The following POLR2C variants were observed in gnomAD, a reference collection of about 807,000 sequenced individuals.
POLR2C encodes the protein RNA polymerase II subunit C.
A neutral mutation model predicts 41.7 loss-of-function variants in POLR2C; 36 were observed. The ratio of observed to expected loss-of-function variants is 0.86; its 90% confidence interval spans 0.66 to 1.14. The LOEUF is 1.14. Ranked by LOEUF, POLR2C falls within the 50% of genes most tolerant of loss-of-function variation. POLR2C has a pLI of 0.00. For missense variants in POLR2C, 260 were observed against 350.4 expected, an observed-to-expected ratio of 0.74 and a Z score of 2.06; for synonymous variants, 133 against 137.8, an observed-to-expected ratio of 0.96 and a Z score of 0.25.
intron 2 of POLR2C, 163 bp from the exon 3 acceptor site, chr16:57,465,790 T>C (rs2030691762): frequency 1.6e-6 from 1 of 621,722 alleles, no homozygotes; most frequent in Non-Finnish European, 2.9e-6. Context: ...TGTGTGTGGG[T>C]CTTATTAAAA....
At position 57,469,555 on chromosome 16, in the gene POLR2C, TG is replaced by T. The variant is rs2030779598; in HGVS notation, c.388-150del. 2.6e-6 allele frequency: 2 copies of T among 760,398 alleles called. No homozygotes were observed. Among genetic ancestry groups the T allele is most frequent in the Admixed American group, 2.0e-5 (1 of 49,310 alleles). 47.1% of individuals were successfully genotyped at this position (760,398 alleles called of 1,614,324 possible). On this transcript the variant is annotated intron_variant, in intron 5 of 8. Coordinates refer to ENST00000219252, the MANE Select transcript of POLR2C (RefSeq NM_032940.3). This position sits in a 1 kb window ranked among gnomAD's most constrained non-coding sequence, Gnocchi z 5.8. The stretch of plus-strand genomic sequence containing the variant: ...CTGAGGCTACCACCACACCCTGAAG[TG>T]GGGGTTGGAGTCCTGGGGGCATCTG...
chr16:57,465,449 A>G (rs73561593), intron 2 of POLR2C, among the ~76,000 whole-genome samples: 2,173 of 152,336 alleles, frequency 0.014, 50 homozygotes, highest in African/African-American at 0.05. Flanking sequence ...TATTTAGTAT[A>G]CTTTGCGCAT....
chr16:57,463,107 GC>G, intron 2 of POLR2C, 29 bp downstream of exon 2: 1 of 1,580,730 alleles, frequency 6.3e-7, no homozygotes, highest in Non-Finnish European at 8.7e-7. Context: ...TCGTTCCCGC[GC>G]CCACGGGTTC....
intron 8 of POLR2C, 150 bp from the exon 9 acceptor site, chr16:57,470,825 G>C: frequency 4.3e-6 from 3 of 696,842 alleles, no homozygotes; most frequent in Non-Finnish European, 7.4e-6. Flanking sequence ...TATGTAAGAG[G>C]TTTTACATGA....
In POLR2C at chr16:57,466,185, C is replaced by A. The variant is rs757750240; in HGVS notation, c.216C>A (p.Pro72=). The change falls in exon 4 of 9, where the codon CCC becomes CCA. Residue 72 remains proline (P), a synonymous_variant. Transcript: ENST00000219252. ...EFIAHRLGLI[P]LISDDIVDKL... ...TTCTGTTTTTTACAGGATTAATTCCCCTCATTAGTGATGACATTGTGGACA... is the reference window on the plus strand; with the variant it reads ...TTCTGTTTTTTACAGGATTAATTCCACTCATTAGTGATGACATTGTGGACA... The A allele has an allele frequency of 6.2e-7, 1 of 1,601,554 alleles. No individual in the cohort carries two copies. The highest frequency in any genetic ancestry group is 8.5e-7 in the Non-Finnish European group (1 of 1,173,088).
At chr16:57,465,291 G>A (rs2030678623) in intron 2 of POLR2C, among the ~76,000 whole-genome samples, 1 of 152,126 alleles carries the variant, frequency 6.6e-6, no homozygotes, top group African/African-American at 2.4e-5. Flanking sequence ...TTTGGCAGTT[G>A]GGCTCCAGTG....
chr16:57,463,450 T>A, intron 2 of POLR2C: 1 of 389,144 alleles, frequency 2.6e-6, no homozygotes, highest in Non-Finnish European at 4.9e-6. Flanking sequence ...GTATAGTGCG[T>A]GATGCTGAGA....
In POLR2C at chr16:57,471,370, G is replaced by C. The variant is rs903364675; in HGVS notation, c.*251G>C. The C allele has an allele frequency of 3.0e-5, 14 of 471,694 alleles. No individual in the cohort carries two copies. Among genetic ancestry groups the C allele is most frequent in the African/African-American group, 2.1e-4 (11 of 51,380 alleles). The allele number at this position is 471,694 out of a possible 1,614,324, so 29.2% of individuals were successfully genotyped here. On this transcript the variant is annotated 3_prime_UTR_variant, in exon 9 of 9. Transcript: ENST00000219252. ...CAGCAGTGCTCCCCAGATCCCAGAA[G>C]GTCCCTGCTGGAGTGTTTCCAGTGC... is the stretch of plus-strand genomic sequence containing the variant.
chr16:57,469,552 A>C lies in POLR2C; in HGVS notation c.388-158A>C, dbSNP rs1388865926. 7.9e-6 allele frequency: 6 copies of C among 757,694 alleles called. No individual in the cohort carries two copies. The highest frequency in any genetic ancestry group is 2.3e-4 in the Middle Eastern group (1 of 4,412). 46.9% of individuals were successfully genotyped at this position (757,694 alleles called of 1,614,324 possible). A position where few individuals can be genotyped will look rare whatever the true frequency, so the allele number is the denominator to read the frequency against. ...TGCCTGAGGCTACCACCACACCCTG[A>C]AGTGGGGGTTGGAGTCCTGGGGGCA... On this transcript the variant is annotated intron_variant, in intron 5 of 8. Transcript: ENST00000219252. The surrounding 1 kb of genome is among the most constrained non-coding windows in gnomAD (Gnocchi z 5.8).
Position 57,469,090 on chromosome 16 carries a change from G to C in POLR2C, c.259-75G>C. On this transcript the variant is annotated intron_variant, in intron 4 of 8. Coordinates refer to ENST00000219252, the MANE Select transcript of POLR2C (RefSeq NM_032940.3). This position sits in a 1 kb window ranked among gnomAD's most constrained non-coding sequence, Gnocchi z 5.8. ...CTTAAGGAACTGGGCATTAGATGCA[G>C]GAAGCCAAGACAAGGAGCCAAGGCA... 1 of 1,495,660 alleles carries C rather than the reference G, an allele frequency of 6.7e-7. No individual in the cohort carries two copies. Among genetic ancestry groups the C allele is most frequent in the Non-Finnish European group, 9.2e-7 (1 of 1,086,042 alleles). The allele number at this position is 1,495,660 out of a possible 1,614,324, so 92.6% of individuals were successfully genotyped here.
chr16:57,470,765 G>A (rs2030814969), intron 8 of POLR2C, among the ~76,000 whole-genome samples: 1 of 152,210 alleles, frequency 6.6e-6, no homozygotes, highest in Non-Finnish European at 1.5e-5. Context: ...GGTACCTTAT[G>A]AGGTAGTTGT....
intron 2 of POLR2C, chr16:57,463,900 A>C (rs2030640968): frequency 7.2e-6 from 2 of 276,010 alleles, no homozygotes; most frequent in Admixed American, 1.1e-4. Context: ...AGATCATGCC[A>C]CTGCACTCTG....
intron 2 of POLR2C, among the ~76,000 whole-genome samples, chr16:57,464,564 T>TC (rs1239112630): frequency 1.3e-5 from 2 of 152,178 alleles, no homozygotes; most frequent in African/African-American, 4.8e-5. Context: ...TAAATATAAG[T>TC]CATAGCTGTG....
rs1320361189 is a variant in POLR2C, at chr16:57,469,614, T to G, written c.388-96T>G. ...ACCTCGTCAGGTGTTCGTTCCCTGG[T>G]TGACAGATTGCAGTCTAGAGGTGCT... is the stretch of plus-strand genomic sequence containing the variant. On this transcript the variant is annotated intron_variant, in intron 5 of 8. Coordinates refer to ENST00000219252, the MANE Select transcript of POLR2C (RefSeq NM_032940.3). The surrounding 1 kb of genome is among the most constrained non-coding windows in gnomAD (Gnocchi z 5.8). The G allele has an allele frequency of 1.1e-5, 12 of 1,065,260 alleles. No homozygotes were observed. The highest frequency in any genetic ancestry group is 1.8e-5 in the Non-Finnish European group (12 of 685,188). 66.0% of individuals were successfully genotyped at this position (1,065,260 alleles called of 1,614,324 possible).
intron 8 of POLR2C, 52 bp downstream of exon 8, chr16:57,470,406 TTGGTTC>T: frequency 7.1e-7 from 1 of 1,416,126 alleles, no homozygotes; most frequent in Admixed American, 2.0e-5. Flanking sequence ...AGGGATGGTT[TTGGTTC>T]AGGCCGTGAG....
chr16:57,465,466 A>C (rs1366584873), intron 2 of POLR2C, among the ~76,000 whole-genome samples: 1 of 152,252 alleles, frequency 6.6e-6, no homozygotes, highest in Non-Finnish European at 1.5e-5. Flanking sequence ...GCATTAAAAG[A>C]ATTCAGTAAA....
chr16:57,469,075 TGGGC>T lies in POLR2C; in HGVS notation c.259-89_259-86del. 1 of 1,318,318 alleles carries T rather than the reference TGGGC, an allele frequency of 7.6e-7. No homozygotes were observed. The highest frequency in any genetic ancestry group is 1.1e-6 in the Non-Finnish European group (1 of 933,562). The allele number at this position is 1,318,318 out of a possible 1,614,324, so 81.7% of individuals were successfully genotyped here. Reference sequence around the variant, plus strand: ...TTACAGGTGAAGAAACTTAAGGAACTGGGCATTAGATGCAGGAAGCCAAGACAAG... The same window carrying T: ...TTACAGGTGAAGAAACTTAAGGAACTATTAGATGCAGGAAGCCAAGACAAG... On this transcript the variant is annotated intron_variant, in intron 4 of 8. Coordinates refer to ENST00000219252, the MANE Select transcript of POLR2C (RefSeq NM_032940.3). The surrounding 1 kb of genome is among the most constrained non-coding windows in gnomAD (Gnocchi z 5.8).
At chr16:57,466,251 T>C (rs759774811) in intron 4 of POLR2C, 24 bp downstream of exon 4, 3 of 1,524,194 alleles carry the variant, frequency 2.0e-6, no homozygotes, top group South Asian at 2.4e-5. Flanking sequence ...TTGGGTGGAA[T>C]GTGAGGTTTG....
At position 57,470,979 on chromosome 16, in the gene POLR2C, T is replaced by C. The variant is rs1250294671; in HGVS notation, c.688T>C (p.Tyr230His). ...CACTGGACTCTTGCCTCCTAGGTTTTACTACAATGTGGAGTCCTGTGGCTC... is the reference window on the plus strand; with the variant it reads ...CACTGGACTCTTGCCTCCTAGGTTTCACTACAATGTGGAGTCCTGTGGCTC... ...YDPNGKPERF[Y>H]YNVESCGSLR... The change falls in exon 9 of 9, where the codon TAC (tyrosine) becomes CAC (histidine). Residue 230 changes from tyrosine to histidine, a missense_variant. By Grantham distance (83) the Tyr-to-His change is moderately conservative. Coordinates refer to ENST00000219252, the MANE Select transcript of POLR2C (RefSeq NM_032940.3). 16 of 1,614,166 alleles carry C rather than the reference T, an allele frequency of 9.9e-6. No homozygotes were observed. Among genetic ancestry groups the C allele is most frequent in the Non-Finnish European group, 1.3e-5 (15 of 1,179,990 alleles).
Sources: gnomAD v4.1 joint callset for allele counts (sites outside exome capture counted in the v4.1 genomes callset) on GRCh38, gnomAD v4.1.1 for gene constraint, Gnocchi (gnomAD v3.1) non-coding constraint, MANE v1.5 for transcripts, NCBI Gene and HGNC (gene_info 2026-07-23, HGNC 2026-07-21) for gene names.